The following FHIT variants were observed in gnomAD, a reference collection of about 807,000 sequenced individuals.
The protein encoded by FHIT is bis(5'-adenosyl)-triphosphatase.
Under a neutral mutation model 17.9 loss-of-function variants are expected in FHIT, and 19 were observed. That is an observed-to-expected ratio of 1.06 (90% CI 0.74 to 1.56). The LOEUF is 1.56. Ranked by LOEUF, FHIT falls within the 40% of genes most tolerant of loss-of-function variation. The probability of loss-of-function intolerance (pLI) is 0.00; values close to 1 mark genes in which losing one functional copy is unlikely to be tolerated. For missense variants in FHIT, 248 were observed against 189.2 expected, an observed-to-expected ratio of 1.31 and a Z score of -1.82; for synonymous variants, 81 against 69.7, an observed-to-expected ratio of 1.16 and a Z score of -0.81.
intron 5 of FHIT, among the ~76,000 whole-genome samples, chr3:60,322,221 C>G (rs936571170): frequency 6.6e-6 from 1 of 152,100 alleles, no homozygotes; most frequent in African/African-American, 2.4e-5. Context: ...TCAGGAGATC[C>G]TGGAGTATAT....
In FHIT at chr3:60,586,732, C is replaced by T. The variant is rs551290950; in HGVS notation, c.-17-49753G>A. On this transcript the variant is annotated intron_variant, in intron 4 of 9. Transcript: ENST00000492590. Reference sequence around the variant, plus strand: ...CTGGAGGCCATTATACTTAGAAAACCAAAGCAAGAACAGAAAACCAAATAC... The same window carrying T: ...CTGGAGGCCATTATACTTAGAAAACTAAAGCAAGAACAGAAAACCAAATAC... Among the ~76,000 whole-genome samples the T allele has an allele frequency of 6.6e-5, 10 of 151,930 alleles. 1 individual carries two copies. The highest frequency in any genetic ancestry group is 2.0e-4 in the Admixed American group (3 of 15,236).
chr3:60,657,825 C>G (rs557025794), intron 4 of FHIT, among the ~76,000 whole-genome samples: 1 of 152,120 alleles, frequency 6.6e-6, no homozygotes, highest in Non-Finnish European at 1.5e-5. Flanking sequence ...AATCACATGG[C>G]CTGCCTTTAG....
intron 4 of FHIT, among the ~76,000 whole-genome samples, chr3:60,561,965 A>AGAGC (rs1553651801): frequency 6.6e-6 from 1 of 151,986 alleles, no homozygotes; most frequent in East Asian, 1.9e-4. Flanking sequence ...AGAGAGAGAG[A>AGAGC]AAGATAATTC....
At chr3:60,700,366 G>T (rs1031145519) in intron 4 of FHIT, among the ~76,000 whole-genome samples, 2 of 152,008 alleles carry the variant, frequency 1.3e-5, no homozygotes, top group Admixed American at 6.6e-5. Flanking sequence ...GTCTCATATC[G>T]TTCCAATTAG....
At chr3:60,000,827 T>C (rs966657859) in intron 7 of FHIT, among the ~76,000 whole-genome samples, 1 of 152,190 alleles carries the variant, frequency 6.6e-6, no homozygotes, top group African/African-American at 2.4e-5. Flanking sequence ...AGTCCCAGTG[T>C]AACGGCTCCC....
intron 5 of FHIT, among the ~76,000 whole-genome samples, chr3:60,472,545 G>A (rs2121861): frequency 0.31 from 47,213 of 151,392 alleles, 8,018 homozygotes; most frequent in East Asian, 0.55. Context: ...ATTTTTTTGT[G>A]TTTGTAGTAG....
At chr3:59,870,277 A>T (rs1476311009) in intron 8 of FHIT, among the ~76,000 whole-genome samples, 1 of 152,186 alleles carries the variant, frequency 6.6e-6, no homozygotes, top group Non-Finnish European at 1.5e-5. Flanking sequence ...TCGGAATATA[A>T]GGATTCCCAT....
At chr3:59,760,470 A>G (rs1158723764) in intron 8 of FHIT, among the ~76,000 whole-genome samples, 2 of 152,134 alleles carry the variant, frequency 1.3e-5, no homozygotes, top group Non-Finnish European at 2.9e-5. Context: ...CTACACTATG[A>G]ATAGTCTTTG....
intron 5 of FHIT, among the ~76,000 whole-genome samples, chr3:60,213,326 T>A (rs1008748869): frequency 7.9e-5 from 12 of 152,150 alleles, no homozygotes; most frequent in Non-Finnish European, 7.3e-5. Flanking sequence ...GACTCTGAAA[T>A]CCCAAACCCA....
intron 5 of FHIT, among the ~76,000 whole-genome samples, chr3:60,120,125 A>G (rs907272489): frequency 1.3e-5 from 2 of 152,196 alleles, no homozygotes; most frequent in African/African-American, 2.4e-5. Context: ...CAGTCCTCTC[A>G]TTAAAATCAA....
chr3:60,396,334 TA>T (rs1559880868), intron 5 of FHIT, among the ~76,000 whole-genome samples: 1 of 152,178 alleles, frequency 6.6e-6, no homozygotes, highest in East Asian at 1.9e-4. Context: ...TATATAACGT[TA>T]GGGGAAGGAG....
chr3:61,099,983 C>T (rs982100282), intron 2 of FHIT, among the ~76,000 whole-genome samples: 2 of 151,942 alleles, frequency 1.3e-5, no homozygotes, highest in Non-Finnish European at 2.9e-5. Context: ...TTATTGTTGT[C>T]TGGTTTAGTG....
intron 5 of FHIT, among the ~76,000 whole-genome samples, chr3:60,249,609 C>A (rs1454704069): frequency 6.6e-6 from 1 of 150,618 alleles, no homozygotes; most frequent in African/African-American, 2.5e-5. Flanking sequence ...ATTAGAAAGG[C>A]CCAGTGCCAG....
intron 3 of FHIT, among the ~76,000 whole-genome samples, chr3:60,973,808 T>C (rs1210342969): frequency 2.0e-5 from 3 of 151,644 alleles, no homozygotes; most frequent in African/African-American, 4.8e-5. Flanking sequence ...TATGGAAGAG[T>C]GGAGAAGGGA....
chr3:60,247,491 A>G (rs1705463326), intron 5 of FHIT, among the ~76,000 whole-genome samples: 1 of 152,178 alleles, frequency 6.6e-6, no homozygotes, highest in Admixed American at 6.5e-5. Flanking sequence ...ATACATAGAT[A>G]CATATTTTTT....
rs1699519271 is a variant in FHIT at position 59,790,710 on chromosome 3, T to A, written c.349-38389A>T. On this transcript the variant is annotated intron_variant, in intron 8 of 9. Transcript: ENST00000492590. ...TTTACGCACTTAGGAAAAGGATAAT[T>A]TTTTTTTAACATTTGTGCAATTATT... Among the ~76,000 whole-genome samples the A allele has an allele frequency of 2.6e-5, 4 of 151,894 alleles. No individual in the cohort carries two copies. The South Asian group carries it at 8.3e-4, about 32-fold the overall frequency.
At chr3:60,869,295 A>C (rs991176499) in intron 3 of FHIT, among the ~76,000 whole-genome samples, 1 of 152,184 alleles carries the variant, frequency 6.6e-6, no homozygotes, top group Admixed American at 6.5e-5. Flanking sequence ...CAGAAACCAA[A>C]TCAGGCTAGG....
chr3:60,433,033 G>A (rs1359271197), intron 5 of FHIT, among the ~76,000 whole-genome samples: 1 of 151,394 alleles, frequency 6.6e-6, no homozygotes, highest in Non-Finnish European at 1.5e-5. Flanking sequence ...AGAACTAATA[G>A]TTCATCTTCC....
intron 3 of FHIT, among the ~76,000 whole-genome samples, chr3:60,875,372 A>G (rs1365514099): frequency 1.8e-4 from 27 of 152,168 alleles, no homozygotes; most frequent in Admixed American, 1.8e-3. Context: ...TTAACCACTT[A>G]ATTGAATGGC....
Sources: gnomAD v4.1 joint callset for allele counts (sites outside exome capture counted in the v4.1 genomes callset) on GRCh38, gnomAD v4.1.1 for gene constraint, MANE v1.5 for transcripts, NCBI Gene and HGNC (gene_info 2026-07-23, HGNC 2026-07-21) for gene names.